Variants in EPB41L2 observed in about 807,000 individuals in gnomAD.
EPB41L2 encodes erythrocyte membrane protein band 4.1 like 2.
In EPB41L2, 43 loss-of-function variants were observed where a neutral mutation model predicts 113.0. That is an observed-to-expected ratio of 0.38 (90% CI 0.30 to 0.49). The LOEUF (loss-of-function observed/expected upper bound fraction) is 0.49. EPB41L2 is among the 20% of genes least tolerant of loss of function. EPB41L2 has a pLI of 0.95. For synonymous variants in EPB41L2, 442 were observed against 436.7 expected, an observed-to-expected ratio of 1.01 and a Z score of -0.15; for missense variants, 1,147 against 1,223.4, an observed-to-expected ratio of 0.94 and a Z score of 0.93.
At chr6:130,880,552 G>A (rs904420880) in intron 12 of EPB41L2, 1 of 578,644 alleles carries the variant, frequency 1.7e-6, no homozygotes, top group African/African-American at 1.9e-5. Flanking sequence ...TCTACCATCA[G>A]TGCAAAGAAG....
intron 8 of EPB41L2, 103 bp from the exon 9 acceptor site, chr6:130,895,222 A>T: frequency 7.5e-7 from 1 of 1,336,878 alleles, no homozygotes; most frequent in Non-Finnish European, 1.0e-6. Context: ...TGACAGTTTA[A>T]CAGGTTTGTA....
intron 1 of EPB41L2, among the ~76,000 whole-genome samples, chr6:130,966,814 T>C (rs911849112): frequency 6.6e-6 from 1 of 152,158 alleles, no homozygotes; most frequent in African/African-American, 2.4e-5. Flanking sequence ...ATTTGCCTTG[T>C]CACACAGCTC....
chr6:130,916,325 G>A (rs1801080639), intron 4 of EPB41L2, among the ~76,000 whole-genome samples: 1 of 152,148 alleles, frequency 6.6e-6, no homozygotes, highest in Non-Finnish European at 1.5e-5. Flanking sequence ...GAGGATGAAA[G>A]TCTTGTCTTA....
chr6:130,865,295 T>C (rs181065586), intron 17 of EPB41L2, among the ~76,000 whole-genome samples: 1 of 152,372 alleles, frequency 6.6e-6, no homozygotes, highest in East Asian at 1.9e-4. Flanking sequence ...TTTGTAGCTA[T>C]CTTACATATA....
chr6:130,884,975 G>T (rs1790476324), intron 12 of EPB41L2, 121 bp downstream of exon 12: 2 of 1,109,820 alleles, frequency 1.8e-6, no homozygotes, highest in Non-Finnish European at 2.6e-6. Flanking sequence ...AAACATAAAT[G>T]ACCAGCAGAG....
intron 1 of EPB41L2, among the ~76,000 whole-genome samples, chr6:131,052,337 G>A (rs1442032607): frequency 6.6e-6 from 1 of 152,136 alleles, no homozygotes; most frequent in Non-Finnish European, 1.5e-5. Context: ...TAGAAATATA[G>A]AGCCCAGAAA....
chr6:131,059,259 T>C (rs1392665372), intron 1 of EPB41L2, among the ~76,000 whole-genome samples: 3 of 151,972 alleles, frequency 2.0e-5, no homozygotes, highest in Non-Finnish European at 4.4e-5. Flanking sequence ...GGACTACAGA[T>C]GCCTGCCACC....
chr6:130,873,794 A>G (rs1786564028), intron 14 of EPB41L2, among the ~76,000 whole-genome samples: 1 of 152,160 alleles, frequency 6.6e-6, no homozygotes, highest in Admixed American at 6.5e-5. Flanking sequence ...AGAAAAATCA[A>G]TGACGCTCCT....
intron 11 of EPB41L2, among the ~76,000 whole-genome samples, chr6:130,887,551 T>C (rs879528109): frequency 4.6e-5 from 7 of 152,232 alleles, no homozygotes; most frequent in African/African-American, 1.7e-4. Flanking sequence ...GACCCAGGCT[T>C]ACCTCTCCCG....
intron 6 of EPB41L2, among the ~76,000 whole-genome samples, chr6:130,902,738 T>C (rs1170425659): frequency 6.6e-6 from 1 of 152,206 alleles, no homozygotes; most frequent in Non-Finnish European, 1.5e-5. Flanking sequence ...TTTTATATTA[T>C]TGTCTCTGCT....
intron 4 of EPB41L2, among the ~76,000 whole-genome samples, chr6:130,912,784 C>G (rs1031858198): frequency 6.6e-5 from 10 of 152,206 alleles, no homozygotes; most frequent in Non-Finnish European, 1.2e-4. Context: ...CTCTAGCCCA[C>G]ACTGGTTGGA....
chr6:130,960,586 A>G (rs1203840721), intron 1 of EPB41L2, among the ~76,000 whole-genome samples: 1 of 152,238 alleles, frequency 6.6e-6, no homozygotes, highest in Non-Finnish European at 1.5e-5. Flanking sequence ...TCCAAATGGA[A>G]GTTACAAGAC....
intron 18 of EPB41L2, 79 bp from the exon 19 acceptor site, chr6:130,858,322 AT>A: frequency 2.6e-6 from 3 of 1,137,374 alleles, no homozygotes; most frequent in Non-Finnish European, 1.3e-6. Context: ...ACACACACTG[AT>A]CACCTCGGAC....
chr6:131,057,080 A>T (rs753350270), intron 1 of EPB41L2, among the ~76,000 whole-genome samples: 2 of 152,328 alleles, frequency 1.3e-5, no homozygotes, highest in Non-Finnish European at 2.9e-5. Flanking sequence ...AAAAAAAGAG[A>T]AAAACAAAAT....
intron 4 of EPB41L2, among the ~76,000 whole-genome samples, chr6:130,917,312 T>C (rs1161784647): frequency 6.6e-6 from 1 of 152,194 alleles, no homozygotes; most frequent in Non-Finnish European, 1.5e-5. Flanking sequence ...CTCTTCCCAA[T>C]TAGGCTTCAG....
At chr6:130,857,833 C>T (rs1216607943) in intron 19 of EPB41L2, among the ~76,000 whole-genome samples, 1 of 152,072 alleles carries the variant, frequency 6.6e-6, no homozygotes, top group Non-Finnish European at 1.5e-5. Flanking sequence ...CAGAAAGGGT[C>T]AATGTGAATA....
intron 1 of EPB41L2, among the ~76,000 whole-genome samples, chr6:131,003,666 T>C (rs1221367399): frequency 6.6e-6 from 1 of 152,228 alleles, no homozygotes; most frequent in Non-Finnish European, 1.5e-5. Context: ...TCTGGAACTG[T>C]ATGGTTTTCA....
intron 1 of EPB41L2, among the ~76,000 whole-genome samples, chr6:130,976,028 AAAAAC>A (rs369667237): frequency 6.6e-6 from 1 of 152,160 alleles, no homozygotes; most frequent in African/African-American, 2.4e-5. Context: ...ACTCCGTCTC[AAAAAC>A]AAAACAAAAC....
chr6:130,880,760 A>G (rs1331790685), intron 12 of EPB41L2: 6 of 378,184 alleles, frequency 1.6e-5, no homozygotes, highest in Non-Finnish European at 2.3e-5. Flanking sequence ...CTGCTTTTGA[A>G]TATTTTGTAC....
Sources: allele counts gnomAD v4.1 joint callset (sites outside exome capture counted in the v4.1 genomes callset), GRCh38; gene constraint gnomAD v4.1.1; transcripts MANE v1.5; gene names NCBI Gene and HGNC (gene_info 2026-07-23, HGNC 2026-07-21).